The following VIPR2 variants were observed in gnomAD, a reference collection of about 807,000 sequenced individuals.
VIPR2 encodes vasoactive intestinal polypeptide receptor 2.
Under a neutral mutation model 58.0 loss-of-function variants are expected in VIPR2, and 48 were observed. That is an observed-to-expected ratio of 0.83 (90% CI 0.66 to 1.05). VIPR2 has a LOEUF of 1.05. VIPR2 is among the 50% of genes least tolerant of loss of function. The pLI, the probability that VIPR2 is intolerant of heterozygous loss-of-function variation, is 0.00. For synonymous variants in VIPR2, 243 were observed against 235.2 expected, an observed-to-expected ratio of 1.03 and a Z score of -0.30; for missense variants, 534 against 558.0, an observed-to-expected ratio of 0.96 and a Z score of 0.43.
At chr7:159,088,330 T>A in intron 4 of VIPR2, among the ~76,000 whole-genome samples, 1 of 150,108 alleles carries the variant, frequency 6.7e-6, no homozygotes, top group Non-Finnish European at 1.5e-5. Flanking sequence ...TACACCACAA[T>A]CATGCTGCAG....
intron 4 of VIPR2, among the ~76,000 whole-genome samples, chr7:159,082,082 A>T (rs2129494924): frequency 6.6e-6 from 1 of 152,356 alleles, no homozygotes; most frequent in East Asian, 1.9e-4. Context: ...CTACAACTAG[A>T]AATACCATTT....
chr7:159,141,368 C>T (rs1280597803), intron 2 of VIPR2, among the ~76,000 whole-genome samples: 4 of 152,240 alleles, frequency 2.6e-5, no homozygotes, highest in Admixed American at 6.5e-5. Context: ...AGAGCCTGCA[C>T]GTTTCAGACC....
At chr7:159,103,225 G>C (rs1015321016) in intron 4 of VIPR2, among the ~76,000 whole-genome samples, 2 of 152,182 alleles carry the variant, frequency 1.3e-5, no homozygotes, top group African/African-American at 2.4e-5. Context: ...CGGATTGGGG[G>C]GTCCCCAACT....
rs191569930 is a variant in VIPR2, at chr7:159,058,878, C to T, written c.358-300G>A. Among the ~76,000 whole-genome samples the T allele has an allele frequency of 7.2e-5, 11 of 152,312 alleles. No homozygotes were observed. The East Asian group carries it at 1.5e-3, about 21-fold the overall frequency. On this transcript the variant is annotated intron_variant, in intron 4 of 12. Transcript: ENST00000262178. ...CATCAGGGAAAGCAAAGGAAGGAAG[C>T]GCTGAGCTAAGTTCAGAAAGAGAGC...
chr7:159,101,072 C>A lies in VIPR2; in HGVS notation c.357+2685G>T, dbSNP rs1858189340. Among the ~76,000 whole-genome samples the A allele has an allele frequency of 2.0e-5, 3 of 147,430 alleles. No homozygotes were observed. The South Asian group carries it at 6.6e-4, about 32-fold the overall frequency. ...CGACAAGGCCGTTCCCCCGACTGTT[C>A]CTGTGGTAGTGAACGGGTCTCACGA... On this transcript the variant is annotated intron_variant, in intron 4 of 12. Transcript: ENST00000262178.
At chr7:159,105,824 A>G (rs1388781309) in intron 3 of VIPR2, among the ~76,000 whole-genome samples, 3 of 152,198 alleles carry the variant, frequency 2.0e-5, no homozygotes, top group Non-Finnish European at 2.9e-5. Flanking sequence ...AAAGATAAAT[A>G]ATGTGCCCAT....
At chr7:159,101,332 C>T (rs1361400925) in intron 4 of VIPR2, among the ~76,000 whole-genome samples, 3 of 146,262 alleles carry the variant, frequency 2.1e-5, no homozygotes, top group African/African-American at 7.8e-5. Flanking sequence ...CGAGGCGGTT[C>T]CCCTGACTGT....
In VIPR2 at chr7:159,031,290, C is replaced by T. The variant is rs1853562380; in HGVS notation, c.1144-501G>A. ...GTGCTGGTGAAAGCTGCATGTCAAG[C>T]AAAGAAAGCGCCAGCAACCGCAGCG... On this transcript the variant is annotated intron_variant, in intron 12 of 12. Transcript: ENST00000262178. The surrounding 1 kb of genome is among the most constrained non-coding windows in gnomAD (Gnocchi z 4.0). 6.9e-6 allele frequency among the ~76,000 whole-genome samples: 1 copy of T among 144,818 alleles called. No homozygotes were observed. Among genetic ancestry groups the T allele is most frequent in the African/African-American group, 2.5e-5 (1 of 40,022 alleles).
chr7:159,112,158 T>G (rs1796035413), intron 2 of VIPR2, among the ~76,000 whole-genome samples: 1 of 152,278 alleles, frequency 6.6e-6, no homozygotes, highest in Non-Finnish European at 1.5e-5. Flanking sequence ...AAACAGTCTT[T>G]GCATTACAGT....
rs200422000 is a variant in VIPR2, at chr7:159,034,274, G to T, written c.910C>A (p.Arg304=). 6.2e-7 allele frequency: 1 copy of T among 1,614,002 alleles called. No homozygotes were observed. Among genetic ancestry groups the T allele is most frequent in the Non-Finnish European group, 8.5e-7 (1 of 1,179,984 alleles). ...GATGTTAACTTCTGCAGCAAAATTC[G>T]TATAATACTAATGAAAAGGACAAAA... is the stretch of plus-strand genomic sequence containing the variant. ...VNFVLFISII[R]ILLQKLTSPD... The change falls in exon 10 of 13, where the codon CGA becomes AGA. Residue 304 remains arginine, a synonymous_variant. Transcript: ENST00000262178.
chr7:159,037,352 G>T (rs1248385078), intron 6 of VIPR2, among the ~76,000 whole-genome samples: 1 of 152,226 alleles, frequency 6.6e-6, no homozygotes, highest in Non-Finnish European at 1.5e-5. Context: ...GGCGAGGTAT[G>T]GGTGGCAGGG....
chr7:159,071,788 G>A (rs983185844), intron 4 of VIPR2, among the ~76,000 whole-genome samples: 10 of 152,128 alleles, frequency 6.6e-5, no homozygotes, highest in African/African-American at 2.4e-4. Flanking sequence ...ATGAAGGCAC[G>A]ATGGTACCGG....
chr7:159,100,308 C>G (rs1318168439), intron 4 of VIPR2, among the ~76,000 whole-genome samples: 1 of 152,218 alleles, frequency 6.6e-6, no homozygotes, highest in Non-Finnish European at 1.5e-5. Context: ...TCAAGCCTAA[C>G]TAAAGTAACA....
rs1445870292 is a variant in VIPR2 at position 159,144,195 on chromosome 7, C to T, written c.51+526G>A. On this transcript the variant is annotated intron_variant, in intron 1 of 12. Transcript: ENST00000262178. ...TGTGCGAAGGCACTTAATCAACAAA[C>T]TTATGAGCAGTTAGTTCCTCCAGTG... 7.7e-6 allele frequency: 9 copies of T among 1,166,348 alleles called. No homozygotes were observed. In the East Asian group the frequency reaches 2.5e-4, roughly 33 times the overall value. The allele number at this position is 1,166,348 out of a possible 1,614,324, so 72.2% of individuals were successfully genotyped here.
At chr7:159,085,266 G>A (rs959390988) in intron 4 of VIPR2, among the ~76,000 whole-genome samples, 4 of 152,098 alleles carry the variant, frequency 2.6e-5, no homozygotes, top group African/African-American at 4.8e-5. Context: ...TCACTGCTCC[G>A]TTCCCACAAC....
intron 2 of VIPR2, among the ~76,000 whole-genome samples, chr7:159,110,831 C>CAAAGGACA (rs1213107033): frequency 6.6e-6 from 1 of 152,160 alleles, no homozygotes; most frequent in Non-Finnish European, 1.5e-5. Context: ...GAGTGTTTTA[C>CAAAGGACA]TTTCAAGAAT....
At chr7:159,044,789 G>A (rs1854550427) in intron 5 of VIPR2, among the ~76,000 whole-genome samples, 1 of 151,184 alleles carries the variant, frequency 6.6e-6, no homozygotes, top group Non-Finnish European at 1.5e-5. Flanking sequence ...TTTTGGAGAT[G>A]AATTCTCATT....
At chr7:159,081,867 C>T (rs1174092352) in intron 4 of VIPR2, among the ~76,000 whole-genome samples, 1 of 152,214 alleles carries the variant, frequency 6.6e-6, no homozygotes, top group Non-Finnish European at 1.5e-5. Context: ...TGAAAAAATA[C>T]TCATCATCAC....
intron 10 of VIPR2, among the ~76,000 whole-genome samples, chr7:159,032,412 C>T (rs1327778697): frequency 6.6e-6 from 1 of 152,218 alleles, no homozygotes; most frequent in Non-Finnish European, 1.5e-5. Flanking sequence ...CCTGGGAGCC[C>T]GGCCCATCCT....
Sources: gnomAD v4.1 joint callset for allele counts (sites outside exome capture counted in the v4.1 genomes callset) on GRCh38, gnomAD v4.1.1 for gene constraint, Gnocchi (gnomAD v3.1) non-coding constraint, MANE v1.5 for transcripts, NCBI Gene and HGNC (gene_info 2026-07-23, HGNC 2026-07-21) for gene names.